The following TSPEAR variants were observed in gnomAD, a reference collection of about 807,000 sequenced individuals.
TSPEAR encodes the protein thrombospondin type laminin G domain and EAR repeats, also known as thrombospondin-type laminin G domain and EAR repeat-containing protein.
Under a neutral mutation model 71.6 loss-of-function variants are expected in TSPEAR, and 69 were observed. The observed-to-expected ratio is 0.96, with a 90% CI of 0.79 to 1.18. TSPEAR has a LOEUF of 1.18. Ranked by LOEUF, TSPEAR falls within the 50% of genes most tolerant of loss-of-function variation. TSPEAR has a pLI of 0.00. For missense variants in TSPEAR, 971 were observed against 894.9 expected (o/e 1.09, Z -1.09); for synonymous variants, 402 against 387.2 (o/e 1.04, Z -0.45).
chr21:44,694,155 T>C (rs1391045961), intron 1 of TSPEAR, among the ~76,000 whole-genome samples: 2 of 152,202 alleles, frequency 1.3e-5, no homozygotes, highest in Non-Finnish European at 2.9e-5. Flanking sequence ...CTTCCCCAAA[T>C]GGTGCTGGGA....
chr21:44,628,249 C>G (rs1218931498), intron 1 of TSPEAR: 3 of 573,762 alleles, frequency 5.2e-6, no homozygotes, highest in Admixed American at 7.0e-5. Context: ...CTTCTCCTCA[C>G]GGTGCTTCCT....
intron 1 of TSPEAR, among the ~76,000 whole-genome samples, chr21:44,701,782 C>T (rs1016520062): frequency 3.2e-5 from 4 of 126,270 alleles, no homozygotes; most frequent in African/African-American, 5.4e-5. Context: ...CACTCCCCTC[C>T]GGCTGTAAAG....
chr21:44,638,500 G>T, intron 1 of TSPEAR: 1 of 348,266 alleles, frequency 2.9e-6, no homozygotes, highest in South Asian at 3.8e-5. Context: ...AGGGTGAGGT[G>T]GGAAGTGATG....
At position 44,663,717 on chromosome 21, in the gene TSPEAR, C is replaced by T. The variant is rs2146270208; in HGVS notation, c.82+47716G>A. On this transcript the variant is annotated intron_variant, in intron 1 of 11. Transcript: ENST00000323084. ...ATGAATATAGATGCAAAATTCTCAA[C>T]CAAATACTAGCAAATTAAATCCAGA... Among the ~76,000 whole-genome samples the T allele has an allele frequency of 1.3e-5, 2 of 151,964 alleles. 1 individual carries two copies. Among genetic ancestry groups the T allele is most frequent in the Non-Finnish European group, 2.9e-5 (2 of 67,898 alleles).
intron 1 of TSPEAR, among the ~76,000 whole-genome samples, chr21:44,654,033 A>G (rs183731158): frequency 1.3e-4 from 20 of 152,316 alleles, no homozygotes; most frequent in Admixed American, 5.9e-4. Flanking sequence ...TTTGCAAGAG[A>G]CCTAACATCA....
At chr21:44,567,761 C>T (rs782457554) in intron 2 of TSPEAR, 24 bp downstream of exon 2, 4 of 1,529,664 alleles carry the variant, frequency 2.6e-6, no homozygotes, top group Admixed American at 3.9e-5. Flanking sequence ...TATTATAACA[C>T]GAAGTGCAGA....
intron 1 of TSPEAR, among the ~76,000 whole-genome samples, chr21:44,709,059 G>T (rs1988083778): frequency 6.6e-6 from 1 of 152,190 alleles, no homozygotes; most frequent in African/African-American, 2.4e-5. Flanking sequence ...AAAGAGACGT[G>T]GCCGCCCTCG....
intron 1 of TSPEAR, among the ~76,000 whole-genome samples, chr21:44,692,474 A>G (rs1987161798): frequency 6.6e-6 from 1 of 152,210 alleles, no homozygotes; most frequent in South Asian, 2.1e-4. Flanking sequence ...AGAATCCACA[A>G]GAAAGCTACT....
At chr21:44,628,427 G>A (rs1277849087) in intron 1 of TSPEAR, 6 of 292,940 alleles carry the variant, frequency 2.0e-5, no homozygotes, top group African/African-American at 1.3e-4. Context: ...GGGGCAGAGT[G>A]GGGCCTGGCC....
At chr21:44,649,663 C>T (rs1555941035) in intron 1 of TSPEAR, among the ~76,000 whole-genome samples, 1 of 152,180 alleles carries the variant, frequency 6.6e-6, no homozygotes, top group Non-Finnish European at 1.5e-5. Context: ...GCAGGCATCC[C>T]CCATACAGGC....
At chr21:44,555,091 C>A (rs183684427) in intron 2 of TSPEAR, among the ~76,000 whole-genome samples, 29 of 152,098 alleles carry the variant, frequency 1.9e-4, no homozygotes, top group African/African-American at 6.5e-4. Context: ...AAAAACAAAC[C>A]GTGGTGGATA....
chr21:44,522,506 C>A (rs2052755928), intron 8 of TSPEAR, among the ~76,000 whole-genome samples: 1 of 152,220 alleles, frequency 6.6e-6, no homozygotes, highest in Non-Finnish European at 1.5e-5. Context: ...TCCCTCTCAA[C>A]TGTGGAGCTC....
intron 1 of TSPEAR, among the ~76,000 whole-genome samples, chr21:44,637,137 C>T (rs1377798348): frequency 6.6e-6 from 1 of 152,164 alleles, no homozygotes; most frequent in African/African-American, 2.4e-5. Context: ...TCCTGGTGTT[C>T]CCGGGAGACA....
At chr21:44,664,919 G>C (rs1985674264) in intron 1 of TSPEAR, among the ~76,000 whole-genome samples, 1 of 152,180 alleles carries the variant, frequency 6.6e-6, no homozygotes, top group African/African-American at 2.4e-5. Context: ...GCACAGGGCA[G>C]GTAGGTTCTC....
At chr21:44,606,401 G>C (rs782739180) in intron 1 of TSPEAR, among the ~76,000 whole-genome samples, 1 of 152,078 alleles carries the variant, frequency 6.6e-6, no homozygotes, top group Non-Finnish European at 1.5e-5. Context: ...TAGAAAAGAG[G>C]GAGTCTTGTA....
At chr21:44,522,138 G>A (rs147568199) in intron 8 of TSPEAR, 26 bp from the exon 9 acceptor site, 1 of 1,603,914 alleles carries the variant, frequency 6.2e-7, no homozygotes, top group African/African-American at 1.3e-5. Flanking sequence ...TGTGCTGGGG[G>A]CAGGGAGGCA....
Position 44,711,117 on chromosome 21 carries a change from T to C in TSPEAR, c.82+316A>G, listed in dbSNP as rs1988196414. Reference sequence around the variant, plus strand: ...TCATTCCCAAAGCAGGTGTCAGCCTTTCCCGGGAGGCCCAGCAGGTAAGCA... The same window carrying C: ...TCATTCCCAAAGCAGGTGTCAGCCTCTCCCGGGAGGCCCAGCAGGTAAGCA... On this transcript the variant is annotated intron_variant, in intron 1 of 11. Transcript: ENST00000323084. This position sits in a 1 kb window ranked among gnomAD's most constrained non-coding sequence, Gnocchi z 4.5. Among the ~76,000 whole-genome samples the C allele has an allele frequency of 6.6e-6, 1 of 152,188 alleles. No homozygotes were observed. Among genetic ancestry groups the C allele is most frequent in the Non-Finnish European group, 1.5e-5 (1 of 68,024 alleles).
chr21:44,523,063 TAGTTAGTC>T (rs1301041678), intron 8 of TSPEAR, among the ~76,000 whole-genome samples: 6 of 151,070 alleles, frequency 4.0e-5, no homozygotes, highest in African/African-American at 1.2e-4. Context: ...GTCAGCCAGG[TAGTTAGTC>T]AGTTAGTCAG....
At chr21:44,692,084 G>A (rs150958513) in intron 1 of TSPEAR, among the ~76,000 whole-genome samples, 195 of 152,254 alleles carry the variant, frequency 1.3e-3, no homozygotes, top group African/African-American at 4.6e-3. Context: ...TATACCACAC[G>A]AAGAGAATGA....
Sources: allele counts gnomAD v4.1 joint callset (sites outside exome capture counted in the v4.1 genomes callset), GRCh38; gene constraint gnomAD v4.1.1; non-coding constraint Gnocchi (gnomAD v3.1); transcripts MANE v1.5; gene names NCBI Gene and HGNC (gene_info 2026-07-23, HGNC 2026-07-21).